The following H6PD variants were observed in gnomAD, a reference collection of about 807,000 sequenced individuals.
H6PD encodes the protein GDH/6PGL endoplasmic bifunctional protein.
H6PD carries 48 observed loss-of-function variants against 61.2 expected under a neutral mutation model. The observed-to-expected ratio is 0.78, with a 90% CI of 0.62 to 1.00. H6PD has a LOEUF of 1.00. Ranked by LOEUF, H6PD falls within the 50% of genes least tolerant of loss-of-function variation. The probability of loss-of-function intolerance (pLI) is 0.00; values close to 1 mark genes in which losing one functional copy is unlikely to be tolerated. For missense variants in H6PD, 1,093 were observed against 1,065.0 expected, an observed-to-expected ratio of 1.03 and a Z score of -0.37; for synonymous variants, 480 against 457.9, an observed-to-expected ratio of 1.05 and a Z score of -0.62.
chr1:9,240,117 C>G (rs1640954289), intron 1 of H6PD: 1 of 656,614 alleles, frequency 1.5e-6, no homozygotes, highest in Non-Finnish European at 2.2e-6. Flanking sequence ...GCAGTCCGCC[C>G]TGGCTCTAAG....
chr1:9,258,155 T>G (rs1641579879), intron 3 of H6PD, among the ~76,000 whole-genome samples: 1 of 152,234 alleles, frequency 6.6e-6, no homozygotes, highest in Admixed American at 6.5e-5. Context: ...GCGTTGGTGT[T>G]GTTATGCTGG....
In H6PD at chr1:9,264,033, G is replaced by A. The variant is rs140826389; in HGVS notation, c.1540G>A (p.Glu514Lys). The change falls in exon 5 of 5, where the codon GAG (glutamate) becomes AAG (lysine). Residue 514 changes from glutamate to lysine, a missense_variant. Transcript: ENST00000377403. ...TGAGAATGGCCGTCTGTTGGACTTT[G>A]AGTTCAGTAGCGGCCGGTTGTTCTT... ...GAENGRLLDF[E>K]FSSGRLFFSQ... 2.0e-5 allele frequency: 33 copies of A among 1,614,102 alleles called. No homozygotes were observed. Among genetic ancestry groups the A allele is most frequent in the Non-Finnish European group, 2.5e-5 (30 of 1,180,058 alleles).
At chr1:9,251,476 AAAG>A (rs1641361501) in intron 3 of H6PD, among the ~76,000 whole-genome samples, 1 of 149,850 alleles carries the variant, frequency 6.7e-6, no homozygotes, top group Non-Finnish European at 1.5e-5. Flanking sequence ...TTGTTGTTAG[AAAG>A]AAGGAGGGAG....
At chr1:9,255,382 A>G (rs1250844758) in intron 3 of H6PD, among the ~76,000 whole-genome samples, 2 of 152,074 alleles carry the variant, frequency 1.3e-5, no homozygotes, top group Non-Finnish European at 1.5e-5. Context: ...CCTAGGCTTA[A>G]GTGATCCTCC....
chr1:9,235,896 A>T (rs1021558590), intron 1 of H6PD, among the ~76,000 whole-genome samples: 3 of 152,236 alleles, frequency 2.0e-5, no homozygotes, highest in African/African-American at 7.2e-5. Context: ...ACAGGTGTGA[A>T]GCACCACGCC....
At chr1:9,248,156 C>T (rs1364068133) in intron 3 of H6PD, among the ~76,000 whole-genome samples, 3 of 152,352 alleles carry the variant, frequency 2.0e-5, no homozygotes, top group South Asian at 2.1e-4. Flanking sequence ...GCAGCTGCAG[C>T]GGGAGCACCC....
intron 2 of H6PD, among the ~76,000 whole-genome samples, chr1:9,246,018 C>G (rs1461359569): frequency 6.6e-6 from 1 of 151,816 alleles, no homozygotes; most frequent in African/African-American, 2.4e-5. Flanking sequence ...TCTCGGCTCA[C>G]TGCAACCTCC....
chr1:9,240,530 C>T (rs1418629778), intron 1 of H6PD, among the ~76,000 whole-genome samples: 1 of 152,192 alleles, frequency 6.6e-6, no homozygotes, highest in Non-Finnish European at 1.5e-5. Flanking sequence ...TGAGGCCCAG[C>T]CAGGCTAAAT....
Position 9,265,198 on chromosome 1 carries a change from C to A in H6PD, c.*329C>A, listed in dbSNP as rs985884960. The A allele has an allele frequency of 1.2e-5, 5 of 433,996 alleles. No homozygotes were observed. Among genetic ancestry groups the A allele is most frequent in the Non-Finnish European group, 2.2e-5 (5 of 231,856 alleles). The allele number at this position is 433,996 out of a possible 1,614,324, so 26.9% of individuals were successfully genotyped here. A position where few individuals can be genotyped will look rare whatever the true frequency, so the allele number is the denominator to read the frequency against. On this transcript the variant is annotated 3_prime_UTR_variant, in exon 5 of 5. Transcript: ENST00000377403. ...CACAACACGGGATGGCGCCCAAACT[C>A]CGGCGTTCACAAGAGGAGACGTGAC...
chr1:9,239,252 G>T (rs1640929532), intron 1 of H6PD, among the ~76,000 whole-genome samples: 1 of 152,062 alleles, frequency 6.6e-6, no homozygotes, highest in Non-Finnish European at 1.5e-5. Context: ...TTGCCATGTT[G>T]CCCAGGCTGG....
intron 1 of H6PD, chr1:9,243,002 A>G (rs1641044431): frequency 2.0e-6 from 2 of 982,490 alleles, no homozygotes; most frequent in Non-Finnish European, 1.2e-6. Flanking sequence ...GGGCAGATAC[A>G]GGGAGAGTGG....
chr1:9,263,802 C>T lies in H6PD; in HGVS notation c.1309C>T (p.Arg437Cys), dbSNP rs1329379803. The T allele has an allele frequency of 9.9e-6, 16 of 1,613,872 alleles. No homozygotes were observed. Among genetic ancestry groups the T allele is most frequent in the African/African-American group, 2.7e-5 (2 of 74,940 alleles). Reference protein sequence around the residue: ...WKEMEGPPGLRLFGSPLSDYY... With the variant: ...WKEMEGPPGLCLFGSPLSDYY... ...GGAAATGGAGGGACCACCTGGGCTC[C>T]GCCTTTTCGGCAGCCCTCTGTCCGA... Residue 437 changes from arginine to cysteine, a missense_variant, in exon 5 of 5, where the codon CGC becomes TGC. Physicochemically the swap from Arg to Cys is radical, Grantham distance 180. Transcript: ENST00000377403.
rs373155135 is a variant in H6PD at position 9,263,850 on chromosome 1, C to T, written c.1357C>T (p.Arg453Trp). Residue 453 changes from arginine (R) to tryptophan (W), a missense_variant, in exon 5 of 5, where the codon CGG (arginine) becomes TGG (tryptophan). Physicochemically the swap from Arg to Trp is moderately radical, Grantham distance 101. Transcript: ENST00000377403. ...LSDYYAYSPVRERDAHSVLLS... is the reference protein window; with the variant it reads ...LSDYYAYSPVWERDAHSVLLS... ...CGATTACTACGCCTACAGCCCTGTGCGGGAGCGGGACGCCCACTCCGTCCT... is the reference window on the plus strand; with the variant it reads ...CGATTACTACGCCTACAGCCCTGTGTGGGAGCGGGACGCCCACTCCGTCCT... 111 of 1,613,696 alleles carry T rather than the reference C, an allele frequency of 6.9e-5. No individual in the cohort carries two copies. The highest frequency in any genetic ancestry group is 5.6e-4 in the East Asian group (25 of 44,870).
At position 9,245,902 on chromosome 1, in the gene H6PD, T is replaced by C. The variant is rs1378305925; in HGVS notation, c.627+341T>C. On this transcript the variant is annotated intron_variant, in intron 2 of 4. Coordinates refer to ENST00000377403, the MANE Select transcript of H6PD (RefSeq NM_004285.4). This position sits in a 1 kb window ranked among gnomAD's most constrained non-coding sequence, Gnocchi z 4.8. ...TGTCTGGATCTGGCTTCCTGTTGGG[T>C]GTGCTGTGGGAATCAGAATGAGCTC... Among the ~76,000 whole-genome samples, 1 of 151,842 alleles carries C rather than the reference T, an allele frequency of 6.6e-6. No homozygotes were observed. Among genetic ancestry groups the C allele is most frequent in the East Asian group, 1.9e-4 (1 of 5,168 alleles).
At chr1:9,262,379 G>A (rs764528240) in intron 4 of H6PD, 51 bp downstream of exon 4, 3 of 1,529,760 alleles carry the variant, frequency 2.0e-6, no homozygotes, top group Non-Finnish European at 2.7e-6. Flanking sequence ...TTCGCCGGGA[G>A]CAGCTTTCCA....
chr1:9,248,692 G>A (rs1641263001), intron 3 of H6PD, among the ~76,000 whole-genome samples: 1 of 149,642 alleles, frequency 6.7e-6, no homozygotes, highest in Non-Finnish European at 1.5e-5. Context: ...GGGGGACAAT[G>A]TGGGGGGTGG....
At chr1:9,247,489 C>T (rs530895724) in intron 3 of H6PD, among the ~76,000 whole-genome samples, 5 of 152,244 alleles carry the variant, frequency 3.3e-5, no homozygotes, top group African/African-American at 1.2e-4. Context: ...CCTTCTGACC[C>T]CTCTCTCGCT....
At chr1:9,246,259 C>G (rs1459458740) in intron 2 of H6PD, among the ~76,000 whole-genome samples, 1 of 152,078 alleles carries the variant, frequency 6.6e-6, no homozygotes, top group African/African-American at 2.4e-5. Context: ...TACCTTTTTT[C>G]AAAATGTTTT....
chr1:9,263,478 A>C lies in H6PD; in HGVS notation c.1016-31A>C, dbSNP rs1638407061. ...GCCGGAGAGTCCTGGTCTGTGCCAG[A>C]GAGTCACCCTCTGCTGTTCCCTCAC... is the stretch of plus-strand genomic sequence containing the variant. On this transcript the variant is annotated intron_variant, in intron 4 of 4. Transcript: ENST00000377403. 6 of 1,610,452 alleles carry C rather than the reference A, an allele frequency of 3.7e-6. No individual in the cohort carries two copies. In the African/African-American group the frequency reaches 6.7e-5, roughly 18 times the overall value.
Sources: allele counts gnomAD v4.1 joint callset (sites outside exome capture counted in the v4.1 genomes callset), GRCh38; gene constraint gnomAD v4.1.1; non-coding constraint Gnocchi (gnomAD v3.1); transcripts MANE v1.5; gene names NCBI Gene and HGNC (gene_info 2026-07-23, HGNC 2026-07-21).